EVL: variants seen among roughly 807,000 people sequenced by gnomAD.
EVL encodes Enah/Vasp-like.
EVL carries 21 observed loss-of-function variants against 59.6 expected under a neutral mutation model. The observed-to-expected ratio is 0.35, with a 90% CI of 0.25 to 0.51. The LOEUF is 0.51. Among genes scored for constraint, EVL ranks in the 20% least tolerant of loss-of-function variants. EVL has a pLI of 0.97. For synonymous variants in EVL, 198 were observed against 203.5 expected, an observed-to-expected ratio of 0.97 and a Z score of 0.23; for missense variants, 462 against 546.6, an observed-to-expected ratio of 0.85 and a Z score of 1.54.
intron 1 of EVL, among the ~76,000 whole-genome samples, chr14:100,046,405 A>G (rs373155859): frequency 6.6e-6 from 1 of 152,180 alleles, no homozygotes; most frequent in African/African-American, 2.4e-5. Flanking sequence ...GGTGGCTCAC[A>G]CCTGTAATCC....
intron 1 of EVL, among the ~76,000 whole-genome samples, chr14:100,042,525 C>T (rs2061482456): frequency 1.3e-5 from 2 of 152,308 alleles, no homozygotes; most frequent in South Asian, 4.2e-4. Context: ...CCTCCTTAAA[C>T]TCCCCCATCT....
chr14:99,997,460 A>C (rs1226203726), intron 1 of EVL, among the ~76,000 whole-genome samples: 2 of 152,264 alleles, frequency 1.3e-5, no homozygotes, highest in Admixed American at 6.5e-5. Flanking sequence ...ACAGCTGGGC[A>C]TGCAGTATAT....
intron 4 of EVL, among the ~76,000 whole-genome samples, chr14:100,125,379 A>T (rs2140372699): frequency 6.6e-6 from 1 of 152,318 alleles, no homozygotes; most frequent in East Asian, 1.9e-4. Context: ...GACTCCAAGC[A>T]TCCAAACAGT....
intron 1 of EVL, among the ~76,000 whole-genome samples, chr14:99,990,642 G>C (rs1191754423): frequency 6.6e-6 from 1 of 152,084 alleles, no homozygotes; most frequent in Non-Finnish European, 1.5e-5. Context: ...TAATGTCCTT[G>C]AGGTTCATCC....
At chr14:100,068,326 G>T (rs564638463) in intron 1 of EVL, among the ~76,000 whole-genome samples, 1 of 152,306 alleles carries the variant, frequency 6.6e-6, no homozygotes, top group East Asian at 1.9e-4. Flanking sequence ...AAGGAAGAGT[G>T]AAGGCAAATA....
chr14:100,004,631 T>G (rs1246469311), intron 1 of EVL, among the ~76,000 whole-genome samples: 1 of 152,224 alleles, frequency 6.6e-6, no homozygotes, highest in Non-Finnish European at 1.5e-5. Context: ...CGAATGTCCC[T>G]CTTTCTTAAA....
intron 3 of EVL, among the ~76,000 whole-genome samples, chr14:100,121,639 C>G (rs754449747): frequency 7.9e-5 from 12 of 152,164 alleles, no homozygotes; most frequent in Non-Finnish European, 1.3e-4. Flanking sequence ...GCCAGGGCTC[C>G]TATTAGACTT....
rs1888150051 is a variant in EVL at position 100,127,480 on chromosome 14, C to T, written c.487+709C>T. On this transcript the variant is annotated intron_variant, in intron 5 of 13. Transcript: ENST00000392920. The surrounding 1 kb of genome is among the most constrained non-coding windows in gnomAD (Gnocchi z 4.2). ...CGTGAGATGCTGGCTGACCCCATCA[C>T]CCCCACCTAGCTGCTGCTGGCCTCC... 2.0e-5 allele frequency among the ~76,000 whole-genome samples: 3 copies of T among 152,176 alleles called. No homozygotes were observed. Among genetic ancestry groups the T allele is most frequent in the Non-Finnish European group, 4.4e-5 (3 of 68,022 alleles).
At chr14:100,100,741 C>A (rs2140325786) in intron 3 of EVL, among the ~76,000 whole-genome samples, 1 of 140,816 alleles carries the variant, frequency 7.1e-6, no homozygotes, top group Non-Finnish European at 1.5e-5. Flanking sequence ...GCCAAGATTG[C>A]ACCACTGCAC....
chr14:100,120,339 T>C (rs1178401819), intron 3 of EVL, among the ~76,000 whole-genome samples: 1 of 152,242 alleles, frequency 6.6e-6, no homozygotes, highest in Non-Finnish European at 1.5e-5. Flanking sequence ...ACTAAGTGTC[T>C]GATGCGAGCC....
chr14:100,040,963 C>CA (rs1413819737), intron 1 of EVL, among the ~76,000 whole-genome samples: 1 of 152,134 alleles, frequency 6.6e-6, no homozygotes, highest in Non-Finnish European at 1.5e-5. Context: ...AAAGACACTC[C>CA]ATTTGAGATG....
rs1382579011 is a variant in EVL, at chr14:99,972,407, C to T, written c.5+350C>T. Among the ~76,000 whole-genome samples, 2 of 152,054 alleles carry T rather than the reference C, an allele frequency of 1.3e-5. No individual in the cohort carries two copies. On this transcript the variant is annotated intron_variant, in intron 1 of 13. Transcript: ENST00000402714. The surrounding 1 kb of genome is among the most constrained non-coding windows in gnomAD (Gnocchi z 4.4). ...CCCGCGGGCAGGTGTGGCCGTGTCC[C>T]GACCGCGCGAGGACCGAAGTTGGCG...
chr14:100,043,128 T>C (rs2061491225), intron 1 of EVL, among the ~76,000 whole-genome samples: 1 of 152,088 alleles, frequency 6.6e-6, no homozygotes, highest in Admixed American at 6.6e-5. Flanking sequence ...TTTTTAGGGT[T>C]TTATAGATCA....
chr14:100,132,620 G>A, intron 7 of EVL, 99 bp from the exon 8 acceptor site: 2 of 1,337,076 alleles, frequency 1.5e-6, no homozygotes, highest in Admixed American at 3.4e-5. Flanking sequence ...AGGTTTATCT[G>A]AGGACCGGGG....
chr14:100,115,973 G>C (rs1012028353), intron 3 of EVL, among the ~76,000 whole-genome samples: 1 of 152,220 alleles, frequency 6.6e-6, no homozygotes, highest in African/African-American at 2.4e-5. Context: ...CACTGGGGTG[G>C]ACAGAGCCCT....
In EVL at chr14:100,108,178, C is replaced by T. The variant is rs753115134; in HGVS notation, c.358+10520C>T. 1 of 152,154 alleles carries T rather than the reference C, an allele frequency of 6.6e-6. No individual in the cohort carries two copies. Among genetic ancestry groups the T allele is most frequent in the East Asian group, 1.9e-4 (1 of 5,194 alleles). The allele number at this position is 152,154 out of a possible 1,614,324, so 9.4% of individuals were successfully genotyped here. A position where few individuals can be genotyped will look rare whatever the true frequency, so the allele number is the denominator to read the frequency against. The stretch of plus-strand genomic sequence containing the variant: ...TCAGCACAGTGTTGAGAAAGAGCCC[C>T]GGAAAGGGACTTACAGGCAGACCTT... On this transcript the variant is annotated intron_variant, in intron 3 of 13. Transcript: ENST00000392920. This position sits in a 1 kb window ranked among gnomAD's most constrained non-coding sequence, Gnocchi z 4.1.
At chr14:100,131,869 T>C (rs1888457208) in intron 7 of EVL, among the ~76,000 whole-genome samples, 1 of 152,178 alleles carries the variant, frequency 6.6e-6, no homozygotes. Flanking sequence ...TGGGCAGACC[T>C]GTCCTGAGAT....
Position 100,132,844 on chromosome 14 carries a change from C to A in EVL, c.900+65C>A. The A allele has an allele frequency of 1.1e-5, 18 of 1,580,248 alleles. No homozygotes were observed. In the South Asian group the frequency reaches 1.2e-4, roughly 11 times the overall value. ...AGATGAGCGCATCGCCAGGGAGGCT[C>A]TCTGGTCTCAGGCGAGGCCTTTGGG... is the stretch of plus-strand genomic sequence containing the variant. On this transcript the variant is annotated intron_variant, in intron 8 of 13. Coordinates refer to ENST00000392920, the MANE Select transcript of EVL (RefSeq NM_016337.3).
intron 1 of EVL, among the ~76,000 whole-genome samples, chr14:100,047,033 G>A (rs1231577129): frequency 3.3e-5 from 5 of 150,312 alleles, no homozygotes; most frequent in African/African-American, 9.8e-5. Context: ...GATTACAGGC[G>A]TGAGCCACCG....
Sources: gnomAD v4.1 joint callset for allele counts (sites outside exome capture counted in the v4.1 genomes callset) on GRCh38, gnomAD v4.1.1 for gene constraint, Gnocchi (gnomAD v3.1) non-coding constraint, MANE v1.5 for transcripts, NCBI Gene and HGNC (gene_info 2026-07-23, HGNC 2026-07-21) for gene names.